PABIR3: variants seen among roughly 807,000 people sequenced by gnomAD.
The protein encoded by PABIR3 is PABIR family member 3, also known as PABIR family member 1.
A neutral mutation model predicts 23.1 loss-of-function variants in PABIR3; 20 were observed. That is an observed-to-expected ratio of 0.86 (90% confidence interval 0.61 to 1.26). PABIR3 has a LOEUF of 1.26. Ranked by LOEUF, PABIR3 falls within the 50% of genes most tolerant of loss-of-function variation. The pLI is 0.00. For synonymous variants in PABIR3, 69 were observed against 68.5 expected (o/e 1.01, Z -0.04); for missense variants, 189 against 195.4 (o/e 0.97, Z 0.20).
intron 9 of PABIR3, among the ~76,000 whole-genome samples, chrX:134,851,656 A>G (rs1003691653): frequency 8.9e-6 from 1 of 111,977 alleles, no homozygotes; most frequent in Non-Finnish European, 1.9e-5. Context: ...AGAAAGATCT[A>G]ATTTTCTTTT....
At chrX:134,860,098 AT>A in the PABIR3 span, among the ~76,000 whole-genome samples, 2,361 of 103,700 alleles carry the variant, frequency 0.023, 21 homozygotes, top group Middle Eastern at 0.045. Context: ...AAAACTTCAA[AT>A]TTTTTTTTTT....
At position 134,810,061 on chromosome X, in the gene PABIR3, T is replaced by C. The variant is rs184852776; in HGVS notation, c.110+2353T>C. Reference sequence around the variant, plus strand: ...GGAATTATGGGACCCACTCTACTAGTAGAAGAGAGCAGTAGGGAGAATGTT... The same window carrying C: ...GGAATTATGGGACCCACTCTACTAGCAGAAGAGAGCAGTAGGGAGAATGTT... On this transcript the variant is annotated intron_variant, in intron 2 of 10. Coordinates refer to ENST00000645433, the MANE Select transcript of PABIR3 (RefSeq NM_001388447.1). 4.9e-5 allele frequency: 37 copies of C among 752,735 alleles called. No individual in the cohort carries two copies. In the East Asian group the frequency reaches 2.1e-3, roughly 43 times the overall value. 62.0% of individuals were successfully genotyped at this position (752,735 alleles called of 1,213,427 possible).
rs931434358 is a variant in PABIR3 at position 134,843,814 on chromosome X, A to G, written c.247-1391A>G. Reference sequence around the variant, plus strand: ...AATCTCCTGACCTCGTGATCCGCCCACCTCGGCCGCCCAAAGTGCTGGGAT... The same window carrying G: ...AATCTCCTGACCTCGTGATCCGCCCGCCTCGGCCGCCCAAAGTGCTGGGAT... On this transcript the variant is annotated intron_variant, in intron 4 of 10. Transcript: ENST00000645433. 9.6e-4 allele frequency among the ~76,000 whole-genome samples: 102 copies of G among 106,207 alleles called. 3 individuals carry two copies. The highest frequency in any genetic ancestry group is 5.1e-3 in the Middle Eastern group (1 of 198). The allele number at this position is 106,207 out of a possible 115,157, so 92.2% of individuals were successfully genotyped here. A position where few individuals can be genotyped will look rare whatever the true frequency, so the allele number is the denominator to read the frequency against.
intron 3 of PABIR3, chrX:134,823,018 T>C (rs1183449927): frequency 9.0e-6 from 1 of 111,158 alleles, no homozygotes; most frequent in Non-Finnish European, 1.9e-5. Context: ...TACGTGCCTG[T>C]AGTCCCAACT....
chrX:134,843,562 C>CTTTTTTTTT (rs140467304), intron 4 of PABIR3, among the ~76,000 whole-genome samples: 1 of 42,304 alleles, frequency 2.4e-5, no homozygotes, highest in African/African-American at 9.6e-5. Flanking sequence ...AGGCTTATTT[C>CTTTTTTTTT]TTTTTTTTTT....
intron 2 of PABIR3, among the ~76,000 whole-genome samples, chrX:134,811,775 T>C (rs1466839273): frequency 9.0e-6 from 1 of 111,630 alleles, no homozygotes; most frequent in Non-Finnish European, 1.9e-5. Context: ...CAGAGCCAAA[T>C]GCAGCCCACC....
intron 4 of PABIR3, among the ~76,000 whole-genome samples, chrX:134,840,028 GC>G (rs1461932803): frequency 3.6e-5 from 4 of 112,533 alleles, no homozygotes; most frequent in African/African-American, 9.7e-5. Context: ...GAATTCTTCT[GC>G]CTTGGGATCC....
At chrX:134,818,816 G>T (rs1244270141) in intron 3 of PABIR3, among the ~76,000 whole-genome samples, 1 of 110,410 alleles carries the variant, frequency 9.1e-6, no homozygotes, top group Non-Finnish European at 1.9e-5. Flanking sequence ...AAATATGTGG[G>T]TTTTTTTAAA....
At chrX:134,853,982 C>A in intron 10 of PABIR3, 109 bp from the exon 11 acceptor site, 2 of 846,637 alleles carry the variant, frequency 2.4e-6, no homozygotes, top group Non-Finnish European at 3.3e-6. Context: ...TTGCTTGTGA[C>A]AAGTGCCAGT....
At chrX:134,858,548 C>T (rs990605535), downstream of PABIR3, among the ~76,000 whole-genome samples, 14 of 111,617 alleles carry the variant, frequency 1.3e-4, no homozygotes, top group African/African-American at 4.6e-4. Flanking sequence ...ACTTAGGTAT[C>T]TGTGGGGAAA....
intron 1 of PABIR3, among the ~76,000 whole-genome samples, chrX:134,798,656 T>C (rs191992102): frequency 5.7e-4 from 64 of 111,924 alleles, no homozygotes; most frequent in African/African-American, 2.1e-3. Context: ...CACCTATGGT[T>C]GTTGGTCTGT....
intron 3 of PABIR3, among the ~76,000 whole-genome samples, chrX:134,824,538 G>C (rs184087879): frequency 2.7e-4 from 30 of 112,413 alleles, no homozygotes; most frequent in African/African-American, 9.7e-4. Flanking sequence ...GGTGGCTCAT[G>C]CCTGTAATCC....
Position 134,854,330 on chromosome X carries a change from A to G in PABIR3, c.*113A>G. The stretch of plus-strand genomic sequence containing the variant: ...CAATGAGAATTGTACTGTATAATTT[A>G]AACTATCTCCTATTTATCTTTTTTC... On this transcript the variant is annotated 3_prime_UTR_variant, in exon 11 of 11. Transcript: ENST00000645433. The G allele has an allele frequency of 1.2e-6, 1 of 810,175 alleles. No homozygotes were observed. Among genetic ancestry groups the G allele is most frequent in the Non-Finnish European group, 1.6e-6 (1 of 613,430 alleles). 66.8% of individuals were successfully genotyped at this position (810,175 alleles called of 1,213,427 possible). A position where few individuals can be genotyped will look rare whatever the true frequency, so the allele number is the denominator to read the frequency against.
the PABIR3 span, among the ~76,000 whole-genome samples, chrX:134,861,012 C>A: frequency 8.9e-6 from 1 of 112,133 alleles, no homozygotes; most frequent in Non-Finnish European, 1.9e-5. Context: ...CACAGTGGCT[C>A]ACGCCTATAA....
chrX:134,851,153 T>G (rs772262919), intron 9 of PABIR3, among the ~76,000 whole-genome samples: 14 of 110,106 alleles, frequency 1.3e-4, no homozygotes, highest in Non-Finnish European at 2.7e-4. Flanking sequence ...AGAATGATGA[T>G]TATGTGAAGT....
intron 9 of PABIR3, among the ~76,000 whole-genome samples, chrX:134,852,008 G>T (rs2082653380): frequency 8.9e-6 from 1 of 112,137 alleles, no homozygotes; most frequent in Non-Finnish European, 1.9e-5. Flanking sequence ...GAGATTAGAT[G>T]TTCTACCTTA....
intron 6 of PABIR3, among the ~76,000 whole-genome samples, chrX:134,845,949 C>A (rs2082418353): frequency 8.9e-6 from 1 of 111,832 alleles, no homozygotes; most frequent in Admixed American, 9.6e-5. Flanking sequence ...AATAGACTCT[C>A]TAGAAAATTA....
chrX:134,837,835 C>T (rs1386201786), intron 4 of PABIR3, among the ~76,000 whole-genome samples: 1 of 111,804 alleles, frequency 8.9e-6, no homozygotes, highest in Admixed American at 9.6e-5. Flanking sequence ...ACTTGTTGAC[C>T]GAATGAACTA....
chrX:134,809,400 T>G (rs750838217), intron 2 of PABIR3: 4 of 403,085 alleles, frequency 9.9e-6, no homozygotes, highest in Non-Finnish European at 1.2e-5. Context: ...CTCCTGACCT[T>G]GTGATCCGCC....
Sources: gnomAD v4.1 joint callset for allele counts (sites outside exome capture counted in the v4.1 genomes callset) on GRCh38, gnomAD v4.1.1 for gene constraint, MANE v1.5 for transcripts, NCBI Gene and HGNC (gene_info 2026-07-23, HGNC 2026-07-21) for gene names.